The following COPB2 variants were observed in gnomAD, a reference collection of about 807,000 sequenced individuals.
The protein encoded by COPB2 is coatomer subunit beta'.
In COPB2, 16 loss-of-function variants were observed where a neutral mutation model predicts 120.8. The observed-to-expected ratio is 0.13, with a 90% CI of 0.09 to 0.20. The LOEUF is 0.20. Ranked by LOEUF, COPB2 falls within the 10% of genes least tolerant of loss-of-function variation. The probability of loss-of-function intolerance (pLI) is 1.00; values close to 1 mark genes in which losing one functional copy is unlikely to be tolerated. For missense variants in COPB2, 794 were observed against 1,076.5 expected (o/e 0.74, Z 3.67); for synonymous variants, 332 against 366.3 (o/e 0.91, Z 1.07).
chr3:139,378,855 C>A (rs1426003737), intron 4 of COPB2, among the ~76,000 whole-genome samples, 192 bp downstream of exon 4: 6 of 152,194 alleles, frequency 3.9e-5, no homozygotes, highest in African/African-American at 1.4e-4. Flanking sequence ...TACACAAATC[C>A]TAAGTACAGT....
At chr3:139,389,512 T>C (rs754485700) in intron 1 of COPB2, 36 bp downstream of exon 1, 9 of 1,551,092 alleles carry the variant, frequency 5.8e-6, no homozygotes, top group Non-Finnish European at 7.9e-6. Flanking sequence ...CCGTAACCTA[T>C]GGGACCCCGC....
At chr3:139,372,004 C>CA (rs1243987150) in intron 9 of COPB2, among the ~76,000 whole-genome samples, 171 bp from the exon 10 acceptor site, 4 of 151,720 alleles carry the variant, frequency 2.6e-5, no homozygotes, top group Non-Finnish European at 5.9e-5. Context: ...TACAAAGTTA[C>CA]AAAAAAAATT....
intron 9 of COPB2, among the ~76,000 whole-genome samples, chr3:139,372,579 G>A (rs1941640370): frequency 6.6e-6 from 1 of 152,088 alleles, no homozygotes; most frequent in Non-Finnish European, 1.5e-5. Flanking sequence ...TGAACTAGGC[G>A]GCATACTTGG....
At chr3:139,373,106 T>C (rs779054475) in intron 9 of COPB2, 107 bp downstream of exon 9, 61 of 1,105,308 alleles carry the variant, frequency 5.5e-5, no homozygotes, top group African/African-American at 7.7e-5. Flanking sequence ...CAAAAGCACA[T>C]TGAGGAATGA....
chr3:139,379,203 C>A (rs1442878872), intron 3 of COPB2, 30 bp from the exon 4 acceptor site: 1 of 1,575,290 alleles, frequency 6.3e-7, no homozygotes, highest in Non-Finnish European at 8.6e-7. Flanking sequence ...AACCATCATC[C>A]CTGTTATCAA....
Position 139,375,623 on chromosome 3 carries a change from A to C in COPB2, c.505-9T>G. 6.2e-7 allele frequency: 1 copy of C among 1,613,090 alleles called. No individual in the cohort carries two copies. Among genetic ancestry groups the C allele is most frequent in the Non-Finnish European group, 8.5e-7 (1 of 1,179,332 alleles). ...GAGCCCAACTGCCACACCTGCAGAG[A>C]GAAACAGCATCGGCCAGTCAATATG... On this transcript the variant is annotated splice_polypyrimidine_tract_variant and intron_variant, in intron 5 of 21. Transcript: ENST00000333188.
At position 139,379,380 on chromosome 3, in the gene COPB2, C is replaced by T. The variant is rs375068768; in HGVS notation, c.228G>A (p.Ala76=). 2.4e-5 allele frequency: 39 copies of T among 1,613,370 alleles called. No individual in the cohort carries two copies. The highest frequency in any genetic ancestry group is 8.3e-5 in the Admixed American group (5 of 59,962). ...VARKNWVVTG[A]DDMQIRVFNY... ...ATAGAGATTCATATTAATTACTTACCGCTCCTGTCACAACCCAATTCTTCC... is the reference window on the plus strand; with the variant it reads ...ATAGAGATTCATATTAATTACTTACTGCTCCTGTCACAACCCAATTCTTCC... Residue 76 remains alanine, a splice_region_variant and synonymous_variant, in exon 3 of 22, where the codon GCG becomes GCA. Coordinates refer to ENST00000333188, the MANE Select transcript of COPB2 (RefSeq NM_004766.3).
chr3:139,367,654 A>AAAAAC (rs1189071285), intron 13 of COPB2, among the ~76,000 whole-genome samples: 1 of 152,194 alleles, frequency 6.6e-6, no homozygotes, highest in African/African-American at 2.4e-5. Context: ...AAACAGAAAA[A>AAAAAC]AAAACAAAAC....
chr3:139,363,093 A>G (rs1941454131), intron 15 of COPB2, among the ~76,000 whole-genome samples: 2 of 152,218 alleles, frequency 1.3e-5, no homozygotes, highest in East Asian at 1.9e-4. Flanking sequence ...CCAGTCACCA[A>G]TTAGGTGTCA....
chr3:139,366,607 T>C lies in COPB2; in HGVS notation c.1845A>G (p.Lys615=), dbSNP rs114080239. Residue 615 remains lysine (K), a synonymous_variant, in exon 15 of 22, where the codon AAA becomes AAG. Transcript: ENST00000333188. ...MADKVLPTIP[K]EQRTRVAHFL... is the part of the protein sequence containing the mutation. ...AGTGTGCAACTCTGGTCCTCTGTTC[T>C]TTTGGAATGGTAGGAAGGACCTTAT... The C allele has an allele frequency of 3.0e-4, 486 of 1,614,024 alleles. 3 individuals are homozygous for C. In the African/African-American group the frequency reaches 5.3e-3, roughly 18 times the overall value.
In COPB2 at chr3:139,369,509, A is replaced by G. The variant is rs1187774092; in HGVS notation, c.1241T>C (p.Ile414Thr). 2.5e-6 allele frequency: 4 copies of G among 1,611,998 alleles called. No individual in the cohort carries two copies. Among genetic ancestry groups the G allele is most frequent in the Admixed American group, 1.7e-5 (1 of 59,760 alleles). Reference protein sequence around the residue: ...AIRESNSIVKIFKNFKEKKSF... With the variant: ...AIRESNSIVKTFKNFKEKKSF... ...TTTTTTTTCCTTAAAGTTCTTAAAT[A>G]TCTTTACAATGCTGTTGCTCTCTCT... is the stretch of plus-strand genomic sequence containing the variant. The change falls in exon 11 of 22, where the codon ATA (isoleucine) becomes ACA (threonine). Residue 414 changes from isoleucine to threonine, a missense_variant. Physicochemically the swap from Ile to Thr is moderately conservative, Grantham distance 89. This residue lies in a region of COPB2 where 610 missense variants were observed against 866.7 expected (regional missense o/e 0.70). Transcript: ENST00000333188.
intron 16 of COPB2, 140 bp downstream of exon 16, chr3:139,362,267 A>G (rs1941434082): frequency 2.1e-6 from 1 of 477,110 alleles, no homozygotes; most frequent in Non-Finnish European, 3.7e-6. Flanking sequence ...TTAAAAAGAT[A>G]AGAGAGAGAC....
chr3:139,368,438 T>C, intron 12 of COPB2, 150 bp from the exon 13 acceptor site: 1 of 819,396 alleles, frequency 1.2e-6, no homozygotes, highest in African/African-American at 1.7e-5. Context: ...TTTGGGAGGG[T>C]GGCCAGCTAT....
chr3:139,376,052 C>A (rs1282749622), intron 5 of COPB2, among the ~76,000 whole-genome samples: 3 of 152,174 alleles, frequency 2.0e-5, no homozygotes, highest in African/African-American at 7.2e-5. Flanking sequence ...GAGCTCAAGA[C>A]CAACCTGGAC....
chr3:139,360,305 T>C (rs1941389532), intron 17 of COPB2, among the ~76,000 whole-genome samples: 1 of 151,538 alleles, frequency 6.6e-6, no homozygotes, highest in Non-Finnish European at 1.5e-5. Context: ...AGGCGGATCA[T>C]TTGAGGTCAG....
intron 14 of COPB2, 90 bp from the exon 15 acceptor site, chr3:139,366,865 C>G (rs1157317710): frequency 6.7e-7 from 1 of 1,494,216 alleles, no homozygotes. Flanking sequence ...TCAAAACCTT[C>G]CCATTTGATT....
At chr3:139,389,060 T>C (rs894930762) in intron 1 of COPB2, among the ~76,000 whole-genome samples, 1 of 152,208 alleles carries the variant, frequency 6.6e-6, no homozygotes, top group African/African-American at 2.4e-5. Flanking sequence ...AGCTGAGATA[T>C]CAAAGCATTT....
rs1576374412 is a variant in COPB2, at chr3:139,372,396, A to T, written c.1095-563T>A. On this transcript the variant is annotated intron_variant, in intron 9 of 21. Coordinates refer to ENST00000333188, the MANE Select transcript of COPB2 (RefSeq NM_004766.3). ...GTCAACGAAAATTTTCCCAATGGAC[A>T]TAAGACAACTATCTTTAAAGTTGTT... Among the ~76,000 whole-genome samples, 3 of 152,262 alleles carry T rather than the reference A, an allele frequency of 2.0e-5. No homozygotes were observed. The South Asian group carries it at 6.2e-4, about 31-fold the overall frequency.
chr3:139,379,458 C>T lies in COPB2; in HGVS notation c.150G>A (p.Val50=), dbSNP rs1387324707. ...CVWNHETQTL[V]KTFEVCDLPV... ...GAAGATCACATACTTCAAATGTCTTCACCAGTGTCTTTAAAATGTAACAAG... is the reference window on the plus strand; with the variant it reads ...GAAGATCACATACTTCAAATGTCTTTACCAGTGTCTTTAAAATGTAACAAG... The change falls in exon 3 of 22, where the codon GTG becomes GTA. Residue 50 remains valine (V), a synonymous_variant. Coordinates refer to ENST00000333188, the MANE Select transcript of COPB2 (RefSeq NM_004766.3). The T allele has an allele frequency of 5.0e-6, 8 of 1,613,604 alleles. No individual in the cohort carries two copies. Among genetic ancestry groups the T allele is most frequent in the South Asian group, 1.1e-5 (1 of 90,918 alleles).
Sources: gnomAD v4.1 joint callset for allele counts (sites outside exome capture counted in the v4.1 genomes callset) on GRCh38, gnomAD v4.1.1 for gene constraint, gnomAD v4.1.1 regional missense constraint, MANE v1.5 for transcripts, NCBI Gene and HGNC (gene_info 2026-07-23, HGNC 2026-07-21) for gene names.